TYW1B: variants seen among roughly 807,000 people sequenced by gnomAD.
TYW1B encodes the protein S-adenosyl-L-methionine-dependent tRNA 4-demethylwyosine synthase TYW1B.
In TYW1B, 73 loss-of-function variants were observed where a neutral mutation model predicts 86.9. That is an observed-to-expected ratio of 0.84 (90% confidence interval 0.70 to 1.02). The LOEUF (loss-of-function observed/expected upper bound fraction) is 1.02. Among genes scored for constraint, TYW1B ranks in the 50% least tolerant of loss-of-function variants. The pLI is 0.00. For synonymous variants in TYW1B, 248 were observed against 292.8 expected, an observed-to-expected ratio of 0.85 and a Z score of 1.56; for missense variants, 637 against 827.4, an observed-to-expected ratio of 0.77 and a Z score of 2.82.
intron 6 of TYW1B, among the ~76,000 whole-genome samples, chr7:72,779,712 CAA>C (rs58301724): frequency 1.2e-4 from 8 of 64,270 alleles, no homozygotes; most frequent in East Asian, 7.1e-4. Context: ...GACTCTGCCT[CAA>C]AAAAAAAAAA....
intron 6 of TYW1B, among the ~76,000 whole-genome samples, chr7:72,801,748 A>G (rs1788406779): frequency 6.6e-6 from 1 of 152,124 alleles, no homozygotes; most frequent in African/African-American, 2.4e-5. Flanking sequence ...GTCACATCCC[A>G]GATTGGTATT....
At chr7:72,744,872 A>G (rs1787368081) in intron 7 of TYW1B, among the ~76,000 whole-genome samples, 1 of 152,230 alleles carries the variant, frequency 6.6e-6, no homozygotes, top group Non-Finnish European at 1.5e-5. Flanking sequence ...CAAATCCATC[A>G]GACTCCTTCA....
chr7:72,819,577 C>T (rs1363334851), intron 2 of TYW1B, among the ~76,000 whole-genome samples: 1 of 152,034 alleles, frequency 6.6e-6, no homozygotes, highest in African/African-American at 2.4e-5. Flanking sequence ...GGACTACAGG[C>T]ACACGCCACC....
At chr7:72,632,280 T>C (rs1307184013) in intron 11 of TYW1B, among the ~76,000 whole-genome samples, 19 of 65,324 alleles carry the variant, frequency 2.9e-4, no homozygotes, top group African/African-American at 1.5e-3. Context: ...TATATATATA[T>C]ACGTGTATAT....
chr7:72,727,998 T>C (rs1787033931), intron 9 of TYW1B, among the ~76,000 whole-genome samples: 1 of 152,132 alleles, frequency 6.6e-6, no homozygotes, highest in South Asian at 2.1e-4. Flanking sequence ...TGAGACAGAA[T>C]TAAATCAGGA....
rs368016264 is a variant in TYW1B, at chr7:72,642,641, G to A, written c.1507-13644C>T. Among the ~76,000 whole-genome samples the A allele has an allele frequency of 2.0e-5, 3 of 152,208 alleles. No individual in the cohort carries two copies. The East Asian group carries it at 5.8e-4, about 29-fold the overall frequency. On this transcript the variant is annotated intron_variant, in intron 11 of 13. Coordinates refer to ENST00000620995, the MANE Select transcript of TYW1B (RefSeq NM_001145440.3). ...TTCTAGGCTGGGCGCAGTGGCTCAC[G>A]CCTGTAATCCCAGCACTTTGGGAGG...
At chr7:72,784,918 A>C (rs1788102735) in intron 6 of TYW1B, among the ~76,000 whole-genome samples, 1 of 151,106 alleles carries the variant, frequency 6.6e-6, no homozygotes, top group African/African-American at 2.4e-5. Flanking sequence ...AGCCCCCTCC[A>C]CTGCAGGACT....
At chr7:72,826,127 A>G (rs1321621411) in intron 2 of TYW1B, among the ~76,000 whole-genome samples, 2 of 152,222 alleles carry the variant, frequency 1.3e-5, no homozygotes, top group Non-Finnish European at 2.9e-5. Context: ...ACCATAAAAA[A>G]TCTTCACTCC....
intron 7 of TYW1B, among the ~76,000 whole-genome samples, chr7:72,760,204 C>T (rs188144418): frequency 6.6e-6 from 1 of 152,294 alleles, no homozygotes; most frequent in Admixed American, 6.5e-5. Flanking sequence ...CCAGTCCTAG[C>T]TATTATGTAA....
intron 13 of TYW1B, among the ~76,000 whole-genome samples, chr7:72,614,667 T>C (rs1554436538): frequency 2.0e-5 from 3 of 150,808 alleles, no homozygotes; most frequent in Non-Finnish European, 4.4e-5. Context: ...GAGGTCTTGA[T>C]AGTACCTACC....
intron 6 of TYW1B, among the ~76,000 whole-genome samples, chr7:72,794,882 G>A (rs184259631): frequency 1.6e-3 from 245 of 150,610 alleles, no homozygotes; most frequent in Admixed American, 3.3e-3. Context: ...GCAGTGACAC[G>A]ATCTCGGCTC....
chr7:72,701,362 C>A (rs1276185232), intron 10 of TYW1B, among the ~76,000 whole-genome samples: 8 of 151,724 alleles, frequency 5.3e-5, no homozygotes, highest in African/African-American at 1.2e-4. Context: ...CTCCTGAGCT[C>A]AAGCAACCCT....
chr7:72,635,236 C>A (rs190118521), intron 11 of TYW1B, among the ~76,000 whole-genome samples: 2 of 152,296 alleles, frequency 1.3e-5, no homozygotes, highest in Non-Finnish European at 2.9e-5. Context: ...ATTGTCTATG[C>A]ATGTGAGGGT....
intron 11 of TYW1B, among the ~76,000 whole-genome samples, chr7:72,634,831 ATT>A (rs1346653156): frequency 6.6e-6 from 1 of 152,030 alleles, no homozygotes; most frequent in Non-Finnish European, 1.5e-5. Flanking sequence ...CTGTTGGAAT[ATT>A]TGTCTTTTTT....
At chr7:72,653,476 G>C (rs1432224558) in intron 11 of TYW1B, among the ~76,000 whole-genome samples, 5 of 151,352 alleles carry the variant, frequency 3.3e-5, no homozygotes, top group Non-Finnish European at 5.9e-5. Flanking sequence ...GCGTGGTGGC[G>C]AGCACCTGTA....
chr7:72,693,981 G>A (rs1585908132), intron 11 of TYW1B, among the ~76,000 whole-genome samples: 1 of 151,508 alleles, frequency 6.6e-6, no homozygotes, highest in East Asian at 1.9e-4. Flanking sequence ...TTTTTTTTGA[G>A]ACAGAGTCTC....
chr7:72,674,331 T>C (rs1260932362), intron 11 of TYW1B, among the ~76,000 whole-genome samples: 3 of 152,142 alleles, frequency 2.0e-5, no homozygotes, highest in Non-Finnish European at 4.4e-5. Context: ...CTCTCTCTGC[T>C]GCTAAGATGA....
At chr7:72,745,936 C>T (rs1451785637) in intron 7 of TYW1B, among the ~76,000 whole-genome samples, 1 of 151,478 alleles carries the variant, frequency 6.6e-6, no homozygotes, top group Non-Finnish European at 1.5e-5. Context: ...GTGATCTTGA[C>T]TCACTGCACC....
At chr7:72,657,135 T>C (rs1280445355) in intron 11 of TYW1B, among the ~76,000 whole-genome samples, 9 of 152,054 alleles carry the variant, frequency 5.9e-5, no homozygotes, top group Non-Finnish European at 1.2e-4. Context: ...AGATCAACAA[T>C]ACAAAGATAC....
Sources: gnomAD v4.1 joint callset for allele counts (sites outside exome capture counted in the v4.1 genomes callset) on GRCh38, gnomAD v4.1.1 for gene constraint, MANE v1.5 for transcripts, NCBI Gene and HGNC (gene_info 2026-07-23, HGNC 2026-07-21) for gene names.